PIP4K2A: variants seen among roughly 807,000 people sequenced by gnomAD.
PIP4K2A encodes the protein phosphatidylinositol-5-phosphate 4-kinase type 2 alpha, also known as phosphatidylinositol 5-phosphate 4-kinase type-2 alpha.
Under a neutral mutation model 42.9 loss-of-function variants are expected in PIP4K2A, and 14 were observed. The observed-to-expected ratio is 0.33, with a 90% confidence interval of 0.22 to 0.51. PIP4K2A has a LOEUF of 0.51. PIP4K2A is among the 20% of genes least tolerant of loss of function. PIP4K2A has a pLI of 0.97. For missense variants in PIP4K2A, 434 were observed against 519.8 expected, an observed-to-expected ratio of 0.83 and a Z score of 1.61; for synonymous variants, 192 against 192.2, an observed-to-expected ratio of 1.00 and a Z score of 0.01.
Position 22,552,056 on chromosome 10 carries a change from A to T in PIP4K2A, c.679-1284T>A, listed in dbSNP as rs1480039476. Among the ~76,000 whole-genome samples the T allele has an allele frequency of 3.3e-5, 5 of 152,364 alleles. No homozygotes were observed. The East Asian group carries it at 9.6e-4, about 29-fold the overall frequency. ...AAACAGTTTTGCAACTTTGAATTAG[A>T]TATAACCACAATCTTTATAAGCCAA... is the stretch of plus-strand genomic sequence containing the variant. On this transcript the variant is annotated intron_variant, in intron 6 of 9. Coordinates refer to ENST00000376573, the MANE Select transcript of PIP4K2A (RefSeq NM_005028.5).
At chr10:22,646,045 A>C (rs1258957781) in intron 1 of PIP4K2A, among the ~76,000 whole-genome samples, 1 of 152,134 alleles carries the variant, frequency 6.6e-6, no homozygotes, top group Non-Finnish European at 1.5e-5. Flanking sequence ...AACTCAGGTA[A>C]ACCATTTTTA....
At chr10:22,612,116 CTG>C (rs1324568295) in intron 1 of PIP4K2A, among the ~76,000 whole-genome samples, 6 of 152,312 alleles carry the variant, frequency 3.9e-5, no homozygotes, top group African/African-American at 1.4e-4. Flanking sequence ...AATGAGTAAA[CTG>C]AGAATTTTCC....
chr10:22,560,234 G>A (rs750778240), intron 6 of PIP4K2A, among the ~76,000 whole-genome samples: 1 of 152,120 alleles, frequency 6.6e-6, no homozygotes, highest in Non-Finnish European at 1.5e-5. Flanking sequence ...CCCTTTAACC[G>A]ATGATCCGCC....
intron 4 of PIP4K2A, among the ~76,000 whole-genome samples, chr10:22,583,922 T>C (rs1182179042): frequency 6.6e-6 from 1 of 152,264 alleles, no homozygotes; most frequent in African/African-American, 2.4e-5. Context: ...TAGGAGCCTC[T>C]AGGGGCATGT....
intron 1 of PIP4K2A, among the ~76,000 whole-genome samples, chr10:22,704,144 T>A (rs1016904079): frequency 6.6e-6 from 1 of 152,094 alleles, no homozygotes; most frequent in Admixed American, 6.6e-5. Flanking sequence ...TAAAAAGCCA[T>A]GAGACTAAAT....
intron 1 of PIP4K2A, among the ~76,000 whole-genome samples, chr10:22,711,639 G>A (rs1281051717): frequency 1.3e-5 from 2 of 152,234 alleles, no homozygotes; most frequent in African/African-American, 4.8e-5. Context: ...TTAAAGCGCA[G>A]ATTCAATGAG....
At chr10:22,571,350 A>G (rs1351530245) in intron 5 of PIP4K2A, among the ~76,000 whole-genome samples, 2 of 152,226 alleles carry the variant, frequency 1.3e-5, no homozygotes, top group Non-Finnish European at 2.9e-5. Flanking sequence ...GTGGCCAGTG[A>G]TAAAATTTGA....
rs772824750 is a variant in PIP4K2A, at chr10:22,591,630, T to C, written c.491A>G (p.Gln164Arg). ...CAAATAAAGATCAAGAAAAATTACCTGGTGGTATTTCTTCAGGATGTTGTG... is the reference window on the plus strand; with the variant it reads ...CAAATAAAGATCAAGAAAAATTACCCGGTGGTATTTCTTCAGGATGTTGTG... ...EMHNILKKYH[Q>R]YIVECHGITL... Residue 164 changes from glutamine (Q) to arginine (R), a missense_variant and splice_region_variant, in exon 4 of 10, where the codon CAG becomes CGG. Gln to Arg is a conservative substitution (Grantham distance 43). Around this residue, in one of 2 missense-constraint regions of PIP4K2A, gnomAD observed 395 missense variants for 444.5 expected, o/e 0.89. Transcript: ENST00000376573. 1.9e-6 allele frequency: 3 copies of C among 1,599,506 alleles called. No homozygotes were observed. The highest frequency in any genetic ancestry group is 2.6e-6 in the Non-Finnish European group (3 of 1,171,438).
At chr10:22,619,444 T>TTC (rs916786890) in intron 1 of PIP4K2A, among the ~76,000 whole-genome samples, 5 of 150,778 alleles carry the variant, frequency 3.3e-5, no homozygotes, top group African/African-American at 9.8e-5. Flanking sequence ...TTTTTCTTTT[T>TTC]TTTTTTTTTT....
intron 1 of PIP4K2A, among the ~76,000 whole-genome samples, chr10:22,691,039 G>A (rs543604024): frequency 6.6e-6 from 1 of 152,302 alleles, no homozygotes; most frequent in South Asian, 2.1e-4. Flanking sequence ...CAGAAGAGGT[G>A]GTGGTGTCTC....
At chr10:22,674,013 A>T (rs1336994881) in intron 1 of PIP4K2A, among the ~76,000 whole-genome samples, 1 of 152,150 alleles carries the variant, frequency 6.6e-6, no homozygotes, top group Admixed American at 6.6e-5. Flanking sequence ...TACTTAACTT[A>T]CTTTCTTCAG....
chr10:22,678,935 T>G (rs1839612035), intron 1 of PIP4K2A, among the ~76,000 whole-genome samples: 1 of 152,240 alleles, frequency 6.6e-6, no homozygotes, highest in Non-Finnish European at 1.5e-5. Context: ...AGGATCTGCC[T>G]TTTTAAAAAT....
chr10:22,695,942 C>T (rs930499402), intron 1 of PIP4K2A, among the ~76,000 whole-genome samples: 3 of 152,120 alleles, frequency 2.0e-5, no homozygotes, highest in Admixed American at 2.0e-4. Context: ...TTTCTTCCCC[C>T]CACTCATCTC....
At chr10:22,582,339 G>A (rs757008413) in intron 4 of PIP4K2A, among the ~76,000 whole-genome samples, 1 of 152,024 alleles carries the variant, frequency 6.6e-6, no homozygotes, top group Non-Finnish European at 1.5e-5. Flanking sequence ...GGGTTATGAA[G>A]CCCTGATTTG....
chr10:22,642,580 ATG>A (rs1485216669), intron 1 of PIP4K2A, among the ~76,000 whole-genome samples: 8 of 114,748 alleles, frequency 7.0e-5, no homozygotes, highest in Admixed American at 6.1e-4. Flanking sequence ...GTATATTTAT[ATG>A]TGTATTTATA....
chr10:22,642,616 A>G (rs1356115974), intron 1 of PIP4K2A, among the ~76,000 whole-genome samples: 2 of 23,306 alleles, frequency 8.6e-5, no homozygotes, highest in Non-Finnish European at 1.9e-4. Context: ...GTGTGTCTCT[A>G]TATACACACA....
chr10:22,650,089 A>C (rs1838961616), intron 1 of PIP4K2A, among the ~76,000 whole-genome samples: 1 of 152,066 alleles, frequency 6.6e-6, no homozygotes, highest in Non-Finnish European at 1.5e-5. Context: ...AATAAAACTA[A>C]GTGTGTGTCC....
rs45601232 is a variant in PIP4K2A, at chr10:22,674,000, A to G, written c.144+40183T>C. On this transcript the variant is annotated intron_variant, in intron 1 of 9. Transcript: ENST00000376573. ...AAGTCATTTTGCAAATGAAAGCTCA[A>G]CTTACTTAACTTACTTTCTTCAGCA... Among the ~76,000 whole-genome samples, 924 of 152,276 alleles carry G rather than the reference A, an allele frequency of 6.1e-3. 11 individuals carry two copies. The highest frequency in any genetic ancestry group is 9.4e-3 in the Non-Finnish European group (637 of 68,026).
chr10:22,697,759 CACACACACACACAA>C (rs1240621956), intron 1 of PIP4K2A, among the ~76,000 whole-genome samples: 4 of 150,032 alleles, frequency 2.7e-5, no homozygotes, highest in Non-Finnish European at 4.4e-5. Flanking sequence ...CACACACATA[CACACACACACACAA>C]ACACACACAC....
Sources: allele counts gnomAD v4.1 joint callset (sites outside exome capture counted in the v4.1 genomes callset), GRCh38; gene constraint gnomAD v4.1.1; regional missense constraint gnomAD v4.1.1; transcripts MANE v1.5; gene names NCBI Gene and HGNC (gene_info 2026-07-23, HGNC 2026-07-21).